DYNC2I1: variants seen among roughly 807,000 people sequenced by gnomAD.
DYNC2I1 encodes cytoplasmic dynein 2 intermediate chain 1.
A neutral mutation model predicts 133.4 loss-of-function variants in DYNC2I1; 89 were observed. The ratio of observed to expected loss-of-function variants is 0.67; its 90% CI spans 0.56 to 0.80. The LOEUF (loss-of-function observed/expected upper bound fraction) is 0.80, where lower values mean the gene tolerates loss of function less well. Among genes scored for constraint, DYNC2I1 ranks in the 30% least tolerant of loss-of-function variants. The pLI is 0.00. For synonymous variants in DYNC2I1, 504 were observed against 484.3 expected (o/e 1.04, Z -0.54); for missense variants, 1,291 against 1,314.5 (o/e 0.98, Z 0.28).
At chr7:158,856,780 G>T in intron 1 of DYNC2I1, 30 bp downstream of exon 1, 1 of 1,233,770 alleles carries the variant, frequency 8.1e-7, no homozygotes. Flanking sequence ...TGGGCGAGGG[G>T]TGGTCGAGCT....
chr7:158,937,966 C>G (rs1352674697), intron 23 of DYNC2I1, among the ~76,000 whole-genome samples: 1 of 152,050 alleles, frequency 6.6e-6, no homozygotes, highest in Admixed American at 6.5e-5. Context: ...TAAAGACTAC[C>G]TACAAGACAG....
chr7:158,856,461 T>G, upstream of DYNC2I1: 41 of 354,596 alleles, frequency 1.2e-4, no homozygotes, highest in Middle Eastern at 7.4e-4. Flanking sequence ...CGCAGGCGCA[T>G]TGGGAGGGGC....
chr7:158,891,823 G>A (rs555133975), intron 8 of DYNC2I1, among the ~76,000 whole-genome samples: 1 of 152,292 alleles, frequency 6.6e-6, no homozygotes, highest in East Asian at 1.9e-4. Flanking sequence ...TGCAAAACTG[G>A]ATAGATCAAG....
At chr7:158,935,279 G>A (rs1353825481) in intron 23 of DYNC2I1, among the ~76,000 whole-genome samples, 1 of 152,230 alleles carries the variant, frequency 6.6e-6, no homozygotes, top group East Asian at 1.9e-4. Flanking sequence ...CCAGGGCCTG[G>A]TGTCAGCCCA....
At chr7:158,952,743 T>C (rs1307673117) in intron 4 of DYNC2I1, among the ~76,000 whole-genome samples, 1 of 150,062 alleles carries the variant, frequency 6.7e-6, no homozygotes, top group African/African-American at 2.5e-5. Context: ...CTTCATATTG[T>C]GTGGACAGGG....
intron 7 of DYNC2I1, among the ~76,000 whole-genome samples, chr7:158,889,737 C>T (rs1845005490): frequency 6.6e-6 from 1 of 152,022 alleles, no homozygotes; most frequent in African/African-American, 2.4e-5. Flanking sequence ...GGCATGGTAG[C>T]TCAGGCCTGT....
At chr7:158,896,183 A>G (rs1239066197) in intron 8 of DYNC2I1, among the ~76,000 whole-genome samples, 3 of 152,214 alleles carry the variant, frequency 2.0e-5, no homozygotes, top group Admixed American at 1.3e-4. Flanking sequence ...TCTTAGTGGG[A>G]AAACTGAGTT....
intron 11 of DYNC2I1, 63 bp from the exon 12 acceptor site, chr7:158,911,487 C>T (rs1478120869): frequency 6.4e-7 from 1 of 1,559,036 alleles, no homozygotes; most frequent in African/African-American, 1.4e-5. Flanking sequence ...TTCTGTTCTC[C>T]CTACACTTCC....
At chr7:158,858,265 G>T (rs1418220851) in intron 1 of DYNC2I1, among the ~76,000 whole-genome samples, 6 of 152,020 alleles carry the variant, frequency 3.9e-5, no homozygotes, top group Admixed American at 3.9e-4. Flanking sequence ...TTGTTTATAG[G>T]TTGATTTTAA....
At chr7:158,857,768 CTT>C (rs549453362) in intron 1 of DYNC2I1, among the ~76,000 whole-genome samples, 5,364 of 146,052 alleles carry the variant, frequency 0.037, 345 homozygotes, top group African/African-American at 0.13. Context: ...GATCTCCTGA[CTT>C]CGTGAGCCAC....
chr7:158,928,107 C>T (rs920804272), intron 20 of DYNC2I1, among the ~76,000 whole-genome samples: 5 of 152,166 alleles, frequency 3.3e-5, no homozygotes, highest in African/African-American at 9.7e-5. Flanking sequence ...CAAAGGTCCC[C>T]GGGTTTGGGC....
At chr7:158,955,018 C>A (rs924602764) in intron 4 of DYNC2I1, among the ~76,000 whole-genome samples, 1 of 152,072 alleles carries the variant, frequency 6.6e-6, no homozygotes, top group African/African-American at 2.4e-5. Context: ...AGTCCTCCTT[C>A]ACTGTTGGGT....
At position 158,861,312 on chromosome 7, in the gene DYNC2I1, T is replaced by G. The variant is rs565155612; in HGVS notation, c.15+4562T>G. Among the ~76,000 whole-genome samples the G allele has an allele frequency of 9.2e-5, 14 of 152,264 alleles. 1 individual carries two copies. Among genetic ancestry groups the G allele is most frequent in the African/African-American group, 3.1e-4 (13 of 41,542 alleles). On this transcript the variant is annotated intron_variant, in intron 1 of 24. Transcript: ENST00000407559. The stretch of plus-strand genomic sequence containing the variant: ...AAGGTAGAATCCTAACTACTGTAAT[T>G]ATCAGCTAGCAGACACAGCGAGCTT...
chr7:158,857,840 G>T (rs1193293341), intron 1 of DYNC2I1, among the ~76,000 whole-genome samples: 2 of 148,318 alleles, frequency 1.3e-5, no homozygotes, highest in Non-Finnish European at 3.0e-5. Context: ...GCCCAGGCTG[G>T]AGTACAGTGG....
chr7:158,921,575 G>T (rs1218967424), intron 15 of DYNC2I1, among the ~76,000 whole-genome samples: 1 of 152,132 alleles, frequency 6.6e-6, no homozygotes, highest in African/African-American at 2.4e-5. Context: ...GCCCCAGAAG[G>T]CTGCAGCTAT....
At chr7:158,927,842 G>A (rs930772657) in intron 20 of DYNC2I1, among the ~76,000 whole-genome samples, 4 of 151,342 alleles carry the variant, frequency 2.6e-5, no homozygotes, top group Admixed American at 1.3e-4. Context: ...ATGAGCCACC[G>A]TCCAGCCTGA....
chr7:158,864,762 T>C lies in DYNC2I1; in HGVS notation c.16-5093T>C, dbSNP rs114889247. Among the ~76,000 whole-genome samples, 1,070 of 152,294 alleles carry C rather than the reference T, an allele frequency of 7.0e-3. 14 individuals carry two copies. The highest frequency in any genetic ancestry group is 0.024 in the African/African-American group (1,010 of 41,566). On this transcript the variant is annotated intron_variant, in intron 1 of 24. Coordinates refer to ENST00000407559, the MANE Select transcript of DYNC2I1 (RefSeq NM_018051.5). ...CTCAAGTAATCTTCCTACCTCAGCC[T>C]AGCAAAGTGTTAGGATTACAGGTGT... is the stretch of plus-strand genomic sequence containing the variant.
At chr7:158,882,798 C>A (rs1038091604) in intron 5 of DYNC2I1, among the ~76,000 whole-genome samples, 4 of 151,380 alleles carry the variant, frequency 2.6e-5, no homozygotes, top group African/African-American at 9.7e-5. Flanking sequence ...ATTGCTTGAA[C>A]CTGGGAGGAA....
intron 1 of DYNC2I1, among the ~76,000 whole-genome samples, chr7:158,864,041 G>A (rs892154741): frequency 2.1e-5 from 3 of 144,092 alleles, no homozygotes; most frequent in South Asian, 4.6e-4. Context: ...TGGGTGTGGC[G>A]GGGTGGGGAG....
Sources: gnomAD v4.1 joint callset for allele counts (sites outside exome capture counted in the v4.1 genomes callset) on GRCh38, gnomAD v4.1.1 for gene constraint, MANE v1.5 for transcripts, NCBI Gene and HGNC (gene_info 2026-07-23, HGNC 2026-07-21) for gene names.